WWOX: variants seen among roughly 807,000 people sequenced by gnomAD.
The protein encoded by WWOX is WW domain-containing oxidoreductase.
A neutral mutation model predicts 46.2 loss-of-function variants in WWOX; 69 were observed. The ratio of observed to expected loss-of-function variants is 1.49; its 90% CI spans 1.23 to 1.82. The LOEUF (loss-of-function observed/expected upper bound fraction) is 1.82. WWOX is among the 40% of genes most tolerant of loss of function. WWOX has a pLI of 0.00. For synonymous variants in WWOX, 359 were observed against 202.6 expected (o/e 1.77, Z -6.56); for missense variants, 919 against 542.6 (o/e 1.69, Z -6.89).
intron 8 of WWOX, among the ~76,000 whole-genome samples, chr16:79,085,883 A>C (rs892950919): frequency 8.5e-5 from 13 of 152,080 alleles, no homozygotes; most frequent in African/African-American, 3.1e-4. Context: ...TCATCACTAC[A>C]AAAAATAAAA....
chr16:78,322,539 A>C (rs9940424), intron 5 of WWOX, among the ~76,000 whole-genome samples: 13,656 of 152,248 alleles, frequency 0.09, 720 homozygotes, highest in Admixed American at 0.15. Context: ...TTCACAGATG[A>C]AGTAACTTGC....
intron 8 of WWOX, among the ~76,000 whole-genome samples, chr16:78,688,301 G>A (rs1245730148): frequency 6.7e-6 from 1 of 148,410 alleles, no homozygotes; most frequent in Non-Finnish European, 1.5e-5. Flanking sequence ...ATCTTAATCA[G>A]AAATAGGAAA....
chr16:78,267,403 T>C (rs1215226476), intron 5 of WWOX, among the ~76,000 whole-genome samples: 5 of 152,286 alleles, frequency 3.3e-5, no homozygotes, highest in Non-Finnish European at 7.3e-5. Context: ...CGCTTCATTT[T>C]CTGCATTTGC....
intron 8 of WWOX, among the ~76,000 whole-genome samples, chr16:78,892,606 C>G (rs191703419): frequency 6.6e-6 from 1 of 152,186 alleles, no homozygotes; most frequent in Admixed American, 6.5e-5. Context: ...CCTGTGTTAT[C>G]TACTGAGATT....
chr16:78,735,386 C>A (rs2049063720), intron 8 of WWOX, among the ~76,000 whole-genome samples: 1 of 131,218 alleles, frequency 7.6e-6, no homozygotes, highest in Non-Finnish European at 1.6e-5. Context: ...TCATACACAC[C>A]ACACACAAAC....
chr16:78,574,803 G>T (rs986888537), intron 8 of WWOX, among the ~76,000 whole-genome samples: 1 of 150,384 alleles, frequency 6.6e-6, no homozygotes, highest in African/African-American at 2.4e-5. Flanking sequence ...GGGCTAGGGG[G>T]TCAGTGAAGT....
chr16:78,318,803 AC>A (rs1412117043), intron 5 of WWOX, among the ~76,000 whole-genome samples: 1 of 152,160 alleles, frequency 6.6e-6, no homozygotes, highest in Non-Finnish European at 1.5e-5. Flanking sequence ...ATTTTTACTC[AC>A]TTTTCTACAA....
chr16:78,742,179 G>A (rs186269295), intron 8 of WWOX, among the ~76,000 whole-genome samples: 4 of 152,228 alleles, frequency 2.6e-5, no homozygotes, highest in East Asian at 1.9e-4. Context: ...ATTGTACATC[G>A]TTTGTCGATA....
At chr16:78,619,109 A>C (rs1445462780) in intron 8 of WWOX, among the ~76,000 whole-genome samples, 3 of 114,672 alleles carry the variant, frequency 2.6e-5, no homozygotes, top group Non-Finnish European at 5.2e-5. Context: ...CAGCCTGGCC[A>C]ACGTGGCAAA....
intron 8 of WWOX, among the ~76,000 whole-genome samples, chr16:78,742,393 G>C (rs568422485): frequency 3.3e-5 from 5 of 152,296 alleles, no homozygotes; most frequent in East Asian, 1.9e-4. Flanking sequence ...AAGTGTTTCA[G>C]CGCCCTGGCT....
intron 8 of WWOX, among the ~76,000 whole-genome samples, chr16:79,058,124 ACAAAC>A (rs1567520646): frequency 1.3e-5 from 1 of 74,520 alleles, no homozygotes. Context: ...AAAAAAACAA[ACAAAC>A]AAAAAAAAAA....
At chr16:78,971,495 C>A (rs1223861705) in intron 8 of WWOX, among the ~76,000 whole-genome samples, 3 of 142,784 alleles carry the variant, frequency 2.1e-5, no homozygotes, top group Admixed American at 1.4e-4. Flanking sequence ...GGCTGTTTAA[C>A]AGGTGTCGTA....
At chr16:78,756,506 C>G (rs551364131) in intron 8 of WWOX, among the ~76,000 whole-genome samples, 99 of 152,092 alleles carry the variant, frequency 6.5e-4, no homozygotes, top group Non-Finnish European at 1.0e-3. Flanking sequence ...TGGACTTTAG[C>G]CAGAACACAC....
At chr16:79,044,653 T>C (rs2048033279) in intron 8 of WWOX, among the ~76,000 whole-genome samples, 1 of 152,178 alleles carries the variant, frequency 6.6e-6, no homozygotes, top group Non-Finnish European at 1.5e-5. Flanking sequence ...CCTCTTTTCT[T>C]TATAAATTAC....
intron 5 of WWOX, among the ~76,000 whole-genome samples, chr16:78,353,614 G>C (rs1380906572): frequency 6.6e-6 from 1 of 152,108 alleles, no homozygotes; most frequent in Non-Finnish European, 1.5e-5. Flanking sequence ...AAAGACTTGG[G>C]GATAATTAGT....
intron 8 of WWOX, among the ~76,000 whole-genome samples, chr16:78,602,992 C>T (rs908392289): frequency 6.6e-6 from 1 of 152,232 alleles, no homozygotes; most frequent in African/African-American, 2.4e-5. Flanking sequence ...TTAGATTCAA[C>T]AAAATGTAAT....
chr16:79,187,150 C>T (rs543124111), intron 8 of WWOX, among the ~76,000 whole-genome samples: 10 of 152,286 alleles, frequency 6.6e-5, no homozygotes, highest in African/African-American at 2.4e-4. Context: ...CCAGCTCCAC[C>T]ACTTACGAAT....
At chr16:78,590,240 A>G (rs1425328064) in intron 8 of WWOX, among the ~76,000 whole-genome samples, 1 of 152,158 alleles carries the variant, frequency 6.6e-6, no homozygotes, top group Non-Finnish European at 1.5e-5. Flanking sequence ...AAAATTCAAG[A>G]TCAAGATGCA....
intron 8 of WWOX, among the ~76,000 whole-genome samples, chr16:78,922,695 A>C (rs893208841): frequency 6.6e-6 from 1 of 151,796 alleles, no homozygotes; most frequent in Admixed American, 6.6e-5. Flanking sequence ...AATGTTTTTT[A>C]ATTTGGAAAG....
Sources: allele counts gnomAD v4.1 joint callset (sites outside exome capture counted in the v4.1 genomes callset), GRCh38; gene constraint gnomAD v4.1.1; transcripts MANE v1.5; gene names NCBI Gene and HGNC (gene_info 2026-07-23, HGNC 2026-07-21).